Variants in DGKG observed in about 807,000 individuals in gnomAD.
DGKG encodes the protein diacylglycerol kinase gamma, also known as DAG kinase gamma.
In DGKG, 78 loss-of-function variants were observed where a neutral mutation model predicts 105.3. That is an observed-to-expected ratio of 0.74 (90% CI 0.62 to 0.89). The LOEUF (loss-of-function observed/expected upper bound fraction) is 0.89. DGKG is among the 40% of genes least tolerant of loss of function. The pLI, the probability that DGKG is intolerant of heterozygous loss-of-function variation, is 0.00. For synonymous variants in DGKG, 346 were observed against 367.1 expected (o/e 0.94, Z 0.66); for missense variants, 958 against 1,020.1 (o/e 0.94, Z 0.83).
At position 186,245,687 on chromosome 3, in the gene DGKG, G is replaced by A. The variant is rs143857543; in HGVS notation, c.1762-3119C>T. On this transcript the variant is annotated intron_variant, in intron 19 of 24. Coordinates refer to ENST00000265022, the MANE Select transcript of DGKG (RefSeq NM_001346.3). ...AGGTGTGGGGTGAAGAGGAGATGGT[G>A]GAAGGTATGGACATAGAGCCTCTTT... 1.6e-3 allele frequency among the ~76,000 whole-genome samples: 250 copies of A among 152,262 alleles called. 5 individuals are homozygous for A. The highest frequency in any genetic ancestry group is 5.8e-3 in the African/African-American group (243 of 41,544).
intron 22 of DGKG, among the ~76,000 whole-genome samples, chr3:186,178,908 G>T (rs1449708000): frequency 6.6e-6 from 1 of 152,172 alleles, no homozygotes; most frequent in Non-Finnish European, 1.5e-5. Flanking sequence ...CCTTTGATAG[G>T]TCAATTAACC....
Position 186,161,603 on chromosome 3 carries a change from C to G in DGKG, c.2277G>C (p.Thr759=), listed in dbSNP as rs149298788. Residue 759 remains threonine (T), a splice_region_variant and synonymous_variant, in exon 24 of 25, where the codon ACG becomes ACC. Coordinates refer to ENST00000265022, the MANE Select transcript of DGKG (RefSeq NM_001346.3). ...DGEPWMQPCC[T]IKITHKNQAP... is the part of the protein sequence containing the mutation. ...CATCTCAAAGATTGGCAAGACTCAC[C>G]GTGCAACATGGCTGCATCCAGGGTT... 2 of 1,614,154 alleles carry G rather than the reference C, an allele frequency of 1.2e-6. No homozygotes were observed. The highest frequency in any genetic ancestry group is 1.1e-5 in the South Asian group (1 of 91,078).
intron 23 of DGKG, among the ~76,000 whole-genome samples, chr3:186,162,853 C>CT (rs1167372544): frequency 1.3e-5 from 2 of 151,978 alleles, no homozygotes; most frequent in Non-Finnish European, 2.9e-5. Flanking sequence ...AACCTCAATC[C>CT]TTTTTAAAAA....
In DGKG at chr3:186,213,721, T is replaced by C. The variant is rs138160134; in HGVS notation, c.1827-1836A>G. On this transcript the variant is annotated intron_variant, in intron 20 of 24. Transcript: ENST00000265022. ...AATCTGTAGAGATTCTATGAGAGAG[T>C]TGTGGAACGGGGCCCAGGATTGTGC... Among the ~76,000 whole-genome samples, 3 of 152,124 alleles carry C rather than the reference T, an allele frequency of 2.0e-5. No homozygotes were observed. In the East Asian group the frequency reaches 5.8e-4, roughly 29 times the overall value.
intron 21 of DGKG, among the ~76,000 whole-genome samples, chr3:186,201,578 C>T (rs1367791729): frequency 1.3e-5 from 2 of 152,154 alleles, no homozygotes; most frequent in Non-Finnish European, 2.9e-5. Context: ...TAGAGATGGG[C>T]GTGGGAGGCC....
At chr3:186,277,572 T>G (rs1043918955) in intron 9 of DGKG, among the ~76,000 whole-genome samples, 3 of 152,252 alleles carry the variant, frequency 2.0e-5, no homozygotes, top group African/African-American at 7.2e-5. Flanking sequence ...CCCAAAGGAT[T>G]GTCAGTGTAT....
chr3:186,265,277 G>A lies in DGKG; in HGVS notation c.1239C>T (p.Cys413=), dbSNP rs144383780. Reference sequence around the variant, plus strand: ...TGACAAGTTCGCCCTTGGCGGACACGCAGCCATCAGACTTCTCACCTGGCC... The same window carrying A: ...TGACAAGTTCGCCCTTGGCGGACACACAGCCATCAGACTTCTCACCTGGCC... ...RDRPGEKSDG[C]VSAKGELVMQ... The change falls in exon 14 of 25, where the codon TGC becomes TGT. Residue 413 remains cysteine (C), a synonymous_variant. Transcript: ENST00000265022. 14 of 1,614,100 alleles carry A rather than the reference G, an allele frequency of 8.7e-6. No homozygotes were observed. Among genetic ancestry groups the A allele is most frequent in the African/African-American group, 6.7e-5 (5 of 74,950 alleles).
intron 14 of DGKG, 130 bp downstream of exon 14, chr3:186,265,116 TG>T: frequency 1.2e-6 from 1 of 814,052 alleles, no homozygotes; most frequent in South Asian, 1.5e-5. Flanking sequence ...AATGCCCTCC[TG>T]GGTGGTATAA....
chr3:186,193,759 T>G lies in DGKG; in HGVS notation c.1918-5380A>C, dbSNP rs534073564. Among the ~76,000 whole-genome samples, 3 of 152,296 alleles carry G rather than the reference T, an allele frequency of 2.0e-5. No individual in the cohort carries two copies. The South Asian group carries it at 6.2e-4, about 32-fold the overall frequency. On this transcript the variant is annotated intron_variant, in intron 21 of 24. Transcript: ENST00000265022. The stretch of plus-strand genomic sequence containing the variant: ...GGGTTCCCGAGCTAAATCCTCCAAC[T>G]GTTCCATGACGTCATCGGGCCCCCT...
intron 21 of DGKG, among the ~76,000 whole-genome samples, chr3:186,196,684 C>T (rs1346466720): frequency 6.6e-6 from 1 of 152,094 alleles, no homozygotes; most frequent in Non-Finnish European, 1.5e-5. Context: ...TGGATAAGGG[C>T]TGAAGCACAG....
chr3:186,302,491 T>TACAC (rs1560143558), intron 3 of DGKG, among the ~76,000 whole-genome samples: 25 of 9,878 alleles, frequency 2.5e-3, no homozygotes, highest in Non-Finnish European at 4.6e-3. Flanking sequence ...TATATATATA[T>TACAC]ATATATATAT....
Position 186,298,093 on chromosome 3 carries a change from C to A in DGKG, c.281G>T (p.Gly94Val), listed in dbSNP as rs779847882. 1.2e-6 allele frequency: 2 copies of A among 1,612,972 alleles called. No individual in the cohort carries two copies. The highest frequency in any genetic ancestry group is 1.7e-6 in the Non-Finnish European group (2 of 1,179,566). ...GCTGTTGGCCTCACTGTTGCTGGCT[C>A]CCTCCGTCGGGTGGTCAGAGGTCTC... is the stretch of plus-strand genomic sequence containing the variant. The part of the protein sequence containing the change: ...RHETSDHPTE[G>V]ASNSEANSAD... The change falls in exon 4 of 25, where the codon GGA (glycine) becomes GTA (valine). Residue 94 changes from glycine to valine, a missense_variant. Physicochemically the swap from Gly to Val is moderately radical, Grantham distance 109. This residue lies in a region of DGKG where 643 missense variants were observed against 619.5 expected (regional missense o/e 1.04). Transcript: ENST00000265022.
At chr3:186,345,172 T>A (rs1726269641) in intron 1 of DGKG, among the ~76,000 whole-genome samples, 1 of 152,228 alleles carries the variant, frequency 6.6e-6, no homozygotes, top group African/African-American at 2.4e-5. Flanking sequence ...ATGATATTTG[T>A]CATGAATTGC....
At position 186,288,154 on chromosome 3, in the gene DGKG, C is replaced by G. The variant is rs374186743; in HGVS notation, c.544+556G>C. On this transcript the variant is annotated intron_variant, in intron 6 of 24. Coordinates refer to ENST00000265022, the MANE Select transcript of DGKG (RefSeq NM_001346.3). ...AGTAGCACCACGAAACTGAGCTCAA[C>G]TCCTTTAATTAACTGGCCCCCTCGT... Among the ~76,000 whole-genome samples the G allele has an allele frequency of 1.4e-4, 21 of 152,186 alleles. No individual in the cohort carries two copies. In the East Asian group the frequency reaches 2.5e-3, roughly 18 times the overall value.
intron 1 of DGKG, among the ~76,000 whole-genome samples, chr3:186,352,093 C>G (rs951117806): frequency 6.6e-6 from 1 of 152,066 alleles, no homozygotes; most frequent in Non-Finnish European, 1.5e-5. Flanking sequence ...CCCACTCCCC[C>G]CAGGCAATGT....
Position 186,310,265 on chromosome 3 carries a change from CAAAAA to C in DGKG, c.68-3293_68-3289del, listed in dbSNP as rs1165723037. 7.2e-4 allele frequency among the ~76,000 whole-genome samples: 24 copies of C among 33,296 alleles called. No homozygotes were observed. The East Asian group carries it at 0.016, about 22-fold the overall frequency. 21.8% of individuals were successfully genotyped at this position (33,296 alleles called of 152,430 possible). A position where few individuals can be genotyped will look rare whatever the true frequency, so the allele number is the denominator to read the frequency against. ...CTGGCAACAAAGCAAGACTCCGTCT[CAAAAA>C]AAAAAAAAAAAAAAAAAAACCACAC... On this transcript the variant is annotated intron_variant, in intron 2 of 24. Coordinates refer to ENST00000265022, the MANE Select transcript of DGKG (RefSeq NM_001346.3).
chr3:186,299,765 T>TTCTC (rs376118983), intron 3 of DGKG, among the ~76,000 whole-genome samples: 2 of 133,756 alleles, frequency 1.5e-5, no homozygotes, highest in South Asian at 2.4e-4. Flanking sequence ...TTTTCTTCTT[T>TTCTC]TCTCTTTCTT....
intron 18 of DGKG, among the ~76,000 whole-genome samples, chr3:186,252,293 C>T (rs1029352776): frequency 2.0e-5 from 3 of 152,224 alleles, no homozygotes; most frequent in East Asian, 1.9e-4. Context: ...TTAAGATGGC[C>T]GCTAGGCCTA....
rs1433025199 is a variant in DGKG at position 186,188,347 on chromosome 3, G to A, written c.1950C>T (p.Ile650=). 1 of 1,614,042 alleles carries A rather than the reference G, an allele frequency of 6.2e-7. No individual in the cohort carries two copies. The highest frequency in any genetic ancestry group is 1.3e-5 in the African/African-American group (1 of 74,906). Residue 650 remains isoleucine (I), a synonymous_variant, in exon 22 of 25, where the codon ATC becomes ATT. Transcript: ENST00000265022. ...CDGVGVDLSN[I]FLEGIAILNI... ...TGAGAATGGCAATGCCTTCCAGGAAGATGTTGCTCAGGTCCACCCCAACCC... is the reference window on the plus strand; with the variant it reads ...TGAGAATGGCAATGCCTTCCAGGAAAATGTTGCTCAGGTCCACCCCAACCC...
Sources: gnomAD v4.1 joint callset for allele counts (sites outside exome capture counted in the v4.1 genomes callset) on GRCh38, gnomAD v4.1.1 for gene constraint, gnomAD v4.1.1 regional missense constraint, MANE v1.5 for transcripts, NCBI Gene and HGNC (gene_info 2026-07-23, HGNC 2026-07-21) for gene names.